SLC9A7: variants seen among roughly 807,000 people sequenced by gnomAD.
SLC9A7 encodes solute carrier family 9 member A7, also known as sodium/hydrogen exchanger 7.
A neutral mutation model predicts 52.6 loss-of-function variants in SLC9A7; 19 were observed. The observed-to-expected ratio is 0.36, with a 90% CI of 0.25 to 0.53. The LOEUF (loss-of-function observed/expected upper bound fraction) is 0.53. Ranked by LOEUF, SLC9A7 falls within the 20% of genes least tolerant of loss-of-function variation. The pLI is 0.91. For missense variants in SLC9A7, 455 were observed against 597.9 expected (o/e 0.76, Z 2.49); for synonymous variants, 226 against 252.1 (o/e 0.90, Z 0.98).
intron 1 of SLC9A7, among the ~76,000 whole-genome samples, chrX:46,718,505 C>G (rs1944807172): frequency 8.9e-6 from 1 of 112,090 alleles, no homozygotes; most frequent in South Asian, 3.7e-4. Flanking sequence ...TCAGAGTGAA[C>G]AGGCAACCTA....
chrX:46,614,732 A>G (rs1374845388), intron 15 of SLC9A7, among the ~76,000 whole-genome samples: 2 of 111,891 alleles, frequency 1.8e-5, no homozygotes, highest in Admixed American at 9.5e-5. Flanking sequence ...CACCAGCCAC[A>G]TTTTGATACA....
At chrX:46,697,827 A>G (rs929775556) in intron 1 of SLC9A7, among the ~76,000 whole-genome samples, 1 of 112,266 alleles carries the variant, frequency 8.9e-6, no homozygotes, top group Non-Finnish European at 1.9e-5. Context: ...CTCTTCTTTC[A>G]AAAGCAAATG....
At chrX:46,609,757 G>A (rs1041938372) in intron 16 of SLC9A7, among the ~76,000 whole-genome samples, 3 of 109,252 alleles carry the variant, frequency 2.7e-5, no homozygotes, top group Admixed American at 9.7e-5. Context: ...GCCAGGCATG[G>A]TGGCTCACAT....
intron 1 of SLC9A7, among the ~76,000 whole-genome samples, chrX:46,737,147 T>C (rs1945134170): frequency 8.9e-6 from 1 of 111,760 alleles, no homozygotes; most frequent in African/African-American, 3.3e-5. Flanking sequence ...TTTTGTTCCT[T>C]AGGGAGATGG....
At chrX:46,722,063 T>TGG (rs1944869085) in intron 1 of SLC9A7, among the ~76,000 whole-genome samples, 1 of 111,242 alleles carries the variant, frequency 9.0e-6, no homozygotes, top group African/African-American at 3.3e-5. Flanking sequence ...AAAAAAACAC[T>TGG]GTTTCTCTCT....
chrX:46,739,080 G>T (rs909654395), intron 1 of SLC9A7, among the ~76,000 whole-genome samples: 2 of 111,494 alleles, frequency 1.8e-5, no homozygotes, highest in Non-Finnish European at 3.8e-5. Flanking sequence ...ATAAAACAAC[G>T]ACAGATAAGC....
chrX:46,663,825 G>A (rs1194202438), intron 5 of SLC9A7, among the ~76,000 whole-genome samples: 2 of 108,405 alleles, frequency 1.8e-5, no homozygotes, highest in African/African-American at 6.7e-5. Flanking sequence ...CGGGTGTGGT[G>A]GCAGGCGCCT....
At chrX:46,738,345 G>A (rs1921038550) in intron 1 of SLC9A7, among the ~76,000 whole-genome samples, 1 of 112,304 alleles carries the variant, frequency 8.9e-6, no homozygotes, top group African/African-American at 3.2e-5. Context: ...GCCAGACCAA[G>A]CCCTCCACAC....
At chrX:46,610,782 T>C (rs774317764) in intron 16 of SLC9A7, among the ~76,000 whole-genome samples, 5 of 112,214 alleles carry the variant, frequency 4.5e-5, no homozygotes, top group African/African-American at 9.7e-5. Context: ...ATTGATGCAA[T>C]TGTAAGCTTA....
At chrX:46,651,784 C>T (rs772938519) in intron 8 of SLC9A7, among the ~76,000 whole-genome samples, 72 of 105,077 alleles carry the variant, frequency 6.9e-4, no homozygotes, top group African/African-American at 2.4e-3. Flanking sequence ...GCCATGATCA[C>T]GCCTCTGCAC....
chrX:46,741,252 G>A (rs1221382161), intron 1 of SLC9A7, among the ~76,000 whole-genome samples: 1 of 111,527 alleles, frequency 9.0e-6, no homozygotes, highest in Non-Finnish European at 1.9e-5. Context: ...CAAAGTACCA[G>A]CAAGACATTC....
At chrX:46,698,891 CAATAGA>C (rs1194698583) in intron 1 of SLC9A7, among the ~76,000 whole-genome samples, 1 of 111,507 alleles carries the variant, frequency 9.0e-6, no homozygotes, top group African/African-American at 3.3e-5. Context: ...CTTGACAATA[CAATAGA>C]AAATCTGTGA....
intron 1 of SLC9A7, among the ~76,000 whole-genome samples, chrX:46,747,454 CA>C (rs1317498087): frequency 9.1e-6 from 1 of 110,333 alleles, no homozygotes; most frequent in Non-Finnish European, 1.9e-5. Context: ...TAAAATAAAG[CA>C]ACATGAAATA....
chrX:46,661,972 A>T (rs778383179), intron 7 of SLC9A7, 44 bp downstream of exon 7: 14 of 1,110,650 alleles, frequency 1.3e-5, no homozygotes, highest in African/African-American at 3.7e-5. Flanking sequence ...GTGTAATGCC[A>T]CACACGCATA....
At chrX:46,636,976 A>G (rs1358760189) in intron 12 of SLC9A7, among the ~76,000 whole-genome samples, 1 of 111,964 alleles carries the variant, frequency 8.9e-6, no homozygotes, top group African/African-American at 3.2e-5. Flanking sequence ...TATAGCAAAC[A>G]CCAGAAAAAC....
At chrX:46,713,935 TCA>T (rs763176960) in intron 1 of SLC9A7, among the ~76,000 whole-genome samples, 4 of 110,501 alleles carry the variant, frequency 3.6e-5, no homozygotes, top group Non-Finnish European at 7.6e-5. Flanking sequence ...TCATTTTTAC[TCA>T]CAGTTGGTAG....
intron 14 of SLC9A7, among the ~76,000 whole-genome samples, chrX:46,623,222 G>A (rs1448496669): frequency 4.5e-5 from 5 of 111,676 alleles, no homozygotes; most frequent in Admixed American, 2.8e-4. Context: ...TGTGGGCTCC[G>A]AACAGCACCG....
intron 1 of SLC9A7, chrX:46,725,552 T>C (rs878872314): frequency 3.1e-6 from 3 of 966,724 alleles, no homozygotes; most frequent in Non-Finnish European, 3.0e-6. Context: ...TGGCTTGTTC[T>C]ATGTTGAATG....
At chrX:46,607,534 A>C (rs1942770009) in intron 16 of SLC9A7, among the ~76,000 whole-genome samples, 1 of 111,600 alleles carries the variant, frequency 9.0e-6, no homozygotes, top group African/African-American at 3.3e-5. Flanking sequence ...AATTGGGCAA[A>C]CGTTGCAAAT....
Sources: gnomAD v4.1 joint callset for allele counts (sites outside exome capture counted in the v4.1 genomes callset) on GRCh38, gnomAD v4.1.1 for gene constraint, MANE v1.5 for transcripts, NCBI Gene and HGNC (gene_info 2026-07-23, HGNC 2026-07-21) for gene names.